The following COBL variants were observed in gnomAD, a reference collection of about 807,000 sequenced individuals.
COBL encodes the protein protein cordon-bleu.
In COBL, 51 loss-of-function variants were observed where a neutral mutation model predicts 98.8. That is an observed-to-expected ratio of 0.52 (90% confidence interval 0.41 to 0.65). COBL has a LOEUF of 0.65. Ranked by LOEUF, COBL falls within the 30% of genes least tolerant of loss-of-function variation. The pLI is 0.00. For synonymous variants in COBL, 634 were observed against 651.7 expected (o/e 0.97, Z 0.41); for missense variants, 1,617 against 1,617.5 (o/e 1.00, Z 0.01).
chr7:51,174,389 A>G (rs1268852156), intron 5 of COBL, among the ~76,000 whole-genome samples: 1 of 152,254 alleles, frequency 6.6e-6, no homozygotes, highest in African/African-American at 2.4e-5. Context: ...AATTTAACAC[A>G]AAACAATAAC....
intron 1 of COBL, among the ~76,000 whole-genome samples, chr7:51,251,852 G>A (rs1176501720): frequency 3.9e-5 from 6 of 151,954 alleles, no homozygotes; most frequent in Non-Finnish European, 1.5e-5. Context: ...ATGCATACTT[G>A]CATGTGTATA....
intron 1 of COBL, among the ~76,000 whole-genome samples, chr7:51,298,281 C>A (rs910384830): frequency 6.6e-6 from 1 of 152,220 alleles, no homozygotes; most frequent in African/African-American, 2.4e-5. Context: ...TCAGAACCAC[C>A]CAGTAAAGCC....
rs373580411 is a variant in COBL at position 51,048,932 on chromosome 7, T to C, written c.1097-5240A>G. On this transcript the variant is annotated intron_variant, in intron 7 of 12. Coordinates refer to ENST00000265136, the MANE Select transcript of COBL (RefSeq NM_015198.5). ...TGCTAGCATGAGGCAGGGTTTGGCA[T>C]AAATTCAGGTCTACTTTTCCTCTTA... Among the ~76,000 whole-genome samples, 29 of 152,212 alleles carry C rather than the reference T, an allele frequency of 1.9e-4. 2 individuals are homozygous for C. Among genetic ancestry groups the C allele is most frequent in the Admixed American group, 1.6e-3 (24 of 15,284 alleles).
At chr7:51,299,752 C>T (rs315102) in intron 1 of COBL, among the ~76,000 whole-genome samples, 18,611 of 152,156 alleles carry the variant, frequency 0.12, 1,532 homozygotes, top group East Asian at 0.36. Flanking sequence ...AAGAAAGTGA[C>T]AGTAACAGCA....
Position 51,193,409 on chromosome 7 carries a change from C to G in COBL, c.426G>C (p.Lys142Asn). 6.2e-7 allele frequency: 1 copy of G among 1,614,184 alleles called. No individual in the cohort carries two copies. Among genetic ancestry groups the G allele is most frequent in the Middle Eastern group, 1.7e-4 (1 of 6,060 alleles). Residue 142 changes from lysine to asparagine, a missense_variant, in exon 3 of 13, where the codon AAG (lysine) becomes AAC (asparagine). Lys to Asn is a moderately conservative substitution (Grantham distance 94, BLOSUM62 0). Transcript: ENST00000265136. ...GCACCTTAGGGGGACCAGGCTTAAC[C>G]TTCTCTTCAGGAACTTTTTCTTTCA... The part of the protein sequence containing the change: ...VFLKEKVPEE[K>N]VKPGPPKVPE...
intron 1 of COBL, among the ~76,000 whole-genome samples, chr7:51,272,666 A>G (rs1182003645): frequency 1.3e-5 from 2 of 152,142 alleles, no homozygotes; most frequent in African/African-American, 4.8e-5. Context: ...TGGACCTCTA[A>G]AACACTCAAA....
intron 8 of COBL, among the ~76,000 whole-genome samples, chr7:51,038,178 C>T (rs1366186349): frequency 6.6e-6 from 1 of 152,226 alleles, no homozygotes; most frequent in Non-Finnish European, 1.5e-5. Flanking sequence ...AGCATTCACA[C>T]TTGCTCTTCT....
At chr7:51,080,157 A>G (rs983955203) in intron 7 of COBL, among the ~76,000 whole-genome samples, 2 of 152,218 alleles carry the variant, frequency 1.3e-5, no homozygotes, top group African/African-American at 4.8e-5. Flanking sequence ...AGACAGGGGA[A>G]TGGCTGGAAC....
intron 1 of COBL, among the ~76,000 whole-genome samples, chr7:51,264,286 C>T (rs1216050382): frequency 6.6e-6 from 1 of 152,142 alleles, no homozygotes. Flanking sequence ...GCTGAATAAG[C>T]CAGGATGCAG....
At chr7:51,035,462 T>A (rs1389572704) in intron 8 of COBL, 1 of 152,094 alleles carries the variant, frequency 6.6e-6, no homozygotes, top group Non-Finnish European at 1.5e-5. Flanking sequence ...TTCAAAGTGA[T>A]TACTTGATTA....
At chr7:51,241,473 A>G (rs1330278508) in intron 1 of COBL, among the ~76,000 whole-genome samples, 1 of 152,234 alleles carries the variant, frequency 6.6e-6, no homozygotes, top group Admixed American at 6.5e-5. Context: ...TCCCCTGTGC[A>G]GATCCCATTA....
chr7:51,269,251 T>G (rs1798531557), intron 1 of COBL, among the ~76,000 whole-genome samples: 1 of 152,088 alleles, frequency 6.6e-6, no homozygotes, highest in Non-Finnish European at 1.5e-5. Context: ...TTCCTCACAA[T>G]GGGAGGGCAG....
intron 6 of COBL, among the ~76,000 whole-genome samples, chr7:51,107,091 TG>T (rs371594139): frequency 0.21 from 19,411 of 94,502 alleles, 2,460 homozygotes; most frequent in East Asian, 0.33. Context: ...CTAGTTTGTT[TG>T]TTTTTTTTTT....
intron 6 of COBL, among the ~76,000 whole-genome samples, chr7:51,117,064 C>T (rs938489341): frequency 6.7e-6 from 1 of 150,052 alleles, no homozygotes; most frequent in Non-Finnish European, 1.5e-5. Context: ...GGTATATCTC[C>T]TAATGCTATC....
chr7:51,160,074 T>C (rs985338588), intron 5 of COBL, among the ~76,000 whole-genome samples: 13 of 152,082 alleles, frequency 8.5e-5, no homozygotes, highest in African/African-American at 3.1e-4. Flanking sequence ...GTATTTTTAG[T>C]ACAGATGGGG....
intron 10 of COBL, among the ~76,000 whole-genome samples, chr7:51,027,118 A>T (rs1428495046): frequency 6.6e-6 from 1 of 152,216 alleles, no homozygotes; most frequent in Non-Finnish European, 1.5e-5. Context: ...CCCACTAACT[A>T]GTGCCTGACC....
At chr7:51,268,481 G>A (rs572399638) in intron 1 of COBL, among the ~76,000 whole-genome samples, 8 of 152,244 alleles carry the variant, frequency 5.3e-5, no homozygotes, top group African/African-American at 1.2e-4. Flanking sequence ...TTCCTGCAAC[G>A]CAGATGAACG....
chr7:51,315,493 C>T (rs548150181), intron 1 of COBL, among the ~76,000 whole-genome samples: 132 of 152,324 alleles, frequency 8.7e-4, no homozygotes, highest in African/African-American at 3.1e-3. Flanking sequence ...GATTTGTTGT[C>T]CCCAAAGCTG....
intron 1 of COBL, among the ~76,000 whole-genome samples, chr7:51,254,023 A>G (rs1796976922): frequency 6.6e-6 from 1 of 151,960 alleles, no homozygotes; most frequent in African/African-American, 2.4e-5. Flanking sequence ...TCCTATTTTT[A>G]TGTTGGATAC....
Sources: gnomAD v4.1 joint callset for allele counts (sites outside exome capture counted in the v4.1 genomes callset) on GRCh38, gnomAD v4.1.1 for gene constraint, MANE v1.5 for transcripts, NCBI Gene and HGNC (gene_info 2026-07-23, HGNC 2026-07-21) for gene names.